The following CNBD1 variants were observed in gnomAD, a reference collection of about 807,000 sequenced individuals.
CNBD1 encodes cyclic nucleotide binding domain containing 1.
In CNBD1, 71 loss-of-function variants were observed where a neutral mutation model predicts 54.4. That is an observed-to-expected ratio of 1.30 (90% CI 1.08 to 1.59). CNBD1 has a LOEUF of 1.59. CNBD1 is among the 40% of genes most tolerant of loss of function. The pLI, the probability that CNBD1 is intolerant of heterozygous loss-of-function variation, is 0.00. For missense variants in CNBD1, 659 were observed against 518.0 expected (o/e 1.27, Z -2.64); for synonymous variants, 182 against 170.7 (o/e 1.07, Z -0.51).
At chr8:87,276,339 TTGA>T (rs1808479694) in intron 6 of CNBD1, among the ~76,000 whole-genome samples, 1 of 151,902 alleles carries the variant, frequency 6.6e-6, no homozygotes, top group Admixed American at 6.6e-5. Flanking sequence ...ATTCAGGCTC[TTGA>T]GGACATTTTT....
intron 3 of CNBD1, among the ~76,000 whole-genome samples, chr8:86,933,966 T>G (rs1367371831): frequency 6.6e-6 from 1 of 152,132 alleles, no homozygotes; most frequent in African/African-American, 2.4e-5. Context: ...ATGAACAGAT[T>G]CATAGTCTAT....
intron 4 of CNBD1, among the ~76,000 whole-genome samples, chr8:86,968,814 G>A (rs1200181401): frequency 6.6e-6 from 1 of 152,154 alleles, no homozygotes; most frequent in Non-Finnish European, 1.5e-5. Context: ...ATAGACAATA[G>A]GGCAGAGGAA....
chr8:87,171,814 T>C (rs1813094540), intron 4 of CNBD1, among the ~76,000 whole-genome samples: 1 of 152,000 alleles, frequency 6.6e-6, no homozygotes. Flanking sequence ...ATTTTTCTTT[T>C]TTTTGCTAGA....
At chr8:87,002,966 G>A (rs952724475) in intron 4 of CNBD1, among the ~76,000 whole-genome samples, 1 of 152,038 alleles carries the variant, frequency 6.6e-6, no homozygotes, top group Non-Finnish European at 1.5e-5. Context: ...TTCTTCCCTA[G>A]AAAAGATGAT....
rs549370022 is a variant in CNBD1, at chr8:87,090,515, G to A, written c.432-115478G>A. On this transcript the variant is annotated intron_variant, in intron 4 of 10. Transcript: ENST00000518476. The stretch of plus-strand genomic sequence containing the variant: ...AACACATTTATATTTGGATGTAGTG[G>A]ATGTAAGTGTCTACAACAGCATTCT... 2.6e-4 allele frequency among the ~76,000 whole-genome samples: 40 copies of A among 152,236 alleles called. No homozygotes were observed. The South Asian group carries it at 4.8e-3, about 18-fold the overall frequency.
At chr8:87,370,700 T>G (rs1009133463) in intron 10 of CNBD1, among the ~76,000 whole-genome samples, 4 of 150,612 alleles carry the variant, frequency 2.7e-5, no homozygotes, top group Admixed American at 1.3e-4. Flanking sequence ...TGATGGTAGT[T>G]TCTTTTGCTG....
chr8:86,902,157 G>C (rs1009364252), intron 2 of CNBD1, among the ~76,000 whole-genome samples: 2 of 151,938 alleles, frequency 1.3e-5, no homozygotes, highest in Non-Finnish European at 2.9e-5. Flanking sequence ...TCTTCTGTAT[G>C]CTCCTCCAAA....
intron 4 of CNBD1, among the ~76,000 whole-genome samples, chr8:86,977,943 C>T (rs1808379787): frequency 6.6e-6 from 1 of 152,096 alleles, no homozygotes; most frequent in African/African-American, 2.4e-5. Flanking sequence ...AAGGAAGCTA[C>T]AGGCAAATAT....
chr8:87,422,332 G>C (rs1365525832), intron 2 of CNBD1, among the ~76,000 whole-genome samples: 1 of 147,140 alleles, frequency 6.8e-6, no homozygotes, highest in Non-Finnish European at 1.5e-5. Flanking sequence ...TGGTGTTTTA[G>C]ACATGAAGTC....
chr8:86,873,865 T>G (rs775592032), intron 1 of CNBD1, among the ~76,000 whole-genome samples: 1 of 152,224 alleles, frequency 6.6e-6, no homozygotes, highest in Non-Finnish European at 1.5e-5. Flanking sequence ...AACTTATTTT[T>G]CTAGAGCAAT....
Position 86,984,046 on chromosome 8 carries a change from C to T in CNBD1, c.431+44292C>T, listed in dbSNP as rs199499059. Among the ~76,000 whole-genome samples, 12 of 152,258 alleles carry T rather than the reference C, an allele frequency of 7.9e-5. No individual in the cohort carries two copies. The East Asian group carries it at 1.5e-3, about 20-fold the overall frequency. Reference sequence around the variant, plus strand: ...GGCTCAGAGGACTAGGAGAAAAAAACGGTTTCATGGGCTGGGCCCAGGGTC... The same window carrying T: ...GGCTCAGAGGACTAGGAGAAAAAAATGGTTTCATGGGCTGGGCCCAGGGTC... On this transcript the variant is annotated intron_variant, in intron 4 of 10. Coordinates refer to ENST00000518476, the MANE Select transcript of CNBD1 (RefSeq NM_173538.3).
intron 8 of CNBD1, among the ~76,000 whole-genome samples, chr8:87,303,126 G>GA (rs1454783221): frequency 4.6e-5 from 7 of 152,000 alleles, no homozygotes; most frequent in African/African-American, 1.4e-4. Flanking sequence ...CACAGAATTG[G>GA]AAAAAACTAC....
intron 8 of CNBD1, among the ~76,000 whole-genome samples, chr8:87,319,063 G>A (rs1809463064): frequency 6.6e-6 from 1 of 152,112 alleles, no homozygotes; most frequent in Non-Finnish European, 1.5e-5. Flanking sequence ...AATGGTGTGT[G>A]TTTAATGCAA....
chr8:87,419,450 T>C (rs1027903852), intron 2 of CNBD1, among the ~76,000 whole-genome samples: 2 of 151,950 alleles, frequency 1.3e-5, no homozygotes, highest in African/African-American at 2.4e-5. Context: ...ATTGTGTGTA[T>C]ATCTTAATAA....
chr8:87,063,080 A>G (rs565151515), intron 4 of CNBD1, among the ~76,000 whole-genome samples: 19 of 152,310 alleles, frequency 1.2e-4, no homozygotes, highest in Admixed American at 3.3e-4. Flanking sequence ...TAAATTGGCC[A>G]ACTACTGAGG....
At chr8:87,279,923 G>T (rs1166228253) in intron 6 of CNBD1, among the ~76,000 whole-genome samples, 2 of 151,400 alleles carry the variant, frequency 1.3e-5, no homozygotes, top group Non-Finnish European at 1.5e-5. Context: ...AAACTGATTT[G>T]ATTTGTAGGT....
intron 2 of CNBD1, among the ~76,000 whole-genome samples, chr8:87,400,131 C>G (rs1391057852): frequency 6.6e-6 from 1 of 151,934 alleles, no homozygotes; most frequent in Non-Finnish European, 1.5e-5. Context: ...GTCTGAGCGA[C>G]TCCCGAGGAT....
At chr8:86,867,344 C>T (rs148998704) in intron 1 of CNBD1, among the ~76,000 whole-genome samples, 152 of 152,230 alleles carry the variant, frequency 1.0e-3, no homozygotes, top group Middle Eastern at 6.8e-3. Context: ...TTTTCAACTT[C>T]AATAAAGCAT....
intron 4 of CNBD1, among the ~76,000 whole-genome samples, chr8:87,155,249 T>C (rs1476944281): frequency 6.6e-6 from 1 of 152,212 alleles, no homozygotes; most frequent in Non-Finnish European, 1.5e-5. Flanking sequence ...TGATATGTGT[T>C]GACCTTCATG....
Sources: allele counts gnomAD v4.1 joint callset (sites outside exome capture counted in the v4.1 genomes callset), GRCh38; gene constraint gnomAD v4.1.1; transcripts MANE v1.5; gene names NCBI Gene and HGNC (gene_info 2026-07-23, HGNC 2026-07-21).